Variants in SACS observed in about 807,000 individuals in gnomAD.
The protein encoded by SACS is sacsin molecular chaperone, also known as sacsin.
SACS carries 197 observed loss-of-function variants against 348.0 expected under a neutral mutation model. The observed-to-expected ratio is 0.57, with a 90% confidence interval of 0.50 to 0.64. The LOEUF is 0.64. Among genes scored for constraint, SACS ranks in the 30% least tolerant of loss-of-function variants. The pLI is 0.00. For synonymous variants in SACS, 1,985 were observed against 1,910.6 expected (o/e 1.04, Z -1.02); for missense variants, 4,999 against 5,360.8 (o/e 0.93, Z 2.11).
intron 2 of SACS, among the ~76,000 whole-genome samples, chr13:23,380,874 T>C (rs1421186304): frequency 6.6e-6 from 1 of 152,106 alleles, no homozygotes; most frequent in African/African-American, 2.4e-5. Flanking sequence ...AATAGGAGAG[T>C]GGCTTTCATC....
chr13:23,354,137 G>A (rs1870158743), intron 8 of SACS, among the ~76,000 whole-genome samples: 1 of 152,078 alleles, frequency 6.6e-6, no homozygotes, highest in African/African-American at 2.4e-5. Context: ...TTCCTGAAAT[G>A]TCAGTACACT....
chr13:23,399,019 C>CAAAAGAAAAAAA (rs1872833575), intron 2 of SACS, among the ~76,000 whole-genome samples: 1 of 67,140 alleles, frequency 1.5e-5, no homozygotes, highest in Non-Finnish European at 2.7e-5. Context: ...GACTCCATCT[C>CAAAAGAAAAAAA]AAAAAAAAAA....
chr13:23,354,260 T>G (rs1870167778), intron 8 of SACS, among the ~76,000 whole-genome samples: 1 of 152,226 alleles, frequency 6.6e-6, no homozygotes, highest in African/African-American at 2.4e-5. Flanking sequence ...ATAAACATTG[T>G]TTTCAGTGTT....
Position 23,337,413 on chromosome 13 carries a change from T to C in SACS, c.6463A>G (p.Lys2155Glu), listed in dbSNP as rs868559504. ...LIKLVQLGMA[K>E]DDILWDDMLE... ...ATATCATCCCATAAAATATCATCTTTTGCCATACCTAACTGAACTAGTTTA... is the reference window on the plus strand; with the variant it reads ...ATATCATCCCATAAAATATCATCTTCTGCCATACCTAACTGAACTAGTTTA... Residue 2155 changes from lysine (K) to glutamate (E), a missense_variant, in exon 10 of 10, where the codon AAA becomes GAA. Around this residue, in one of 6 missense-constraint regions of SACS, gnomAD observed 3,156 missense variants for 3,380.1 expected, o/e 0.93. Transcript: ENST00000382292. The C allele has an allele frequency of 6.2e-7, 1 of 1,612,850 alleles. No individual in the cohort carries two copies. The highest frequency in any genetic ancestry group is 1.3e-5 in the African/African-American group (1 of 74,830).
At chr13:23,377,795 G>A (rs941038022) in intron 2 of SACS, among the ~76,000 whole-genome samples, 1 of 152,186 alleles carries the variant, frequency 6.6e-6, no homozygotes, top group African/African-American at 2.4e-5. Flanking sequence ...TCCTGGCCTT[G>A]TCTCCTTCTG....
intron 1 of SACS, among the ~76,000 whole-genome samples, chr13:23,415,667 CTATT>C (rs1443460756): frequency 3.9e-5 from 6 of 152,138 alleles, no homozygotes; most frequent in African/African-American, 7.2e-5. Context: ...TGTGCACCAT[CTATT>C]TATTCTTTAC....
At chr13:23,421,163 T>C (rs1245999969) in intron 1 of SACS, among the ~76,000 whole-genome samples, 1 of 151,842 alleles carries the variant, frequency 6.6e-6, no homozygotes, top group Non-Finnish European at 1.5e-5. Flanking sequence ...GTACCTGATA[T>C]CCACCTGTGG....
chr13:23,427,074 C>T (rs1395425852), intron 1 of SACS: 2 of 152,176 alleles, frequency 1.3e-5, no homozygotes, highest in African/African-American at 4.8e-5. Flanking sequence ...CATAATCTCG[C>T]TGTGCCCAAC....
In SACS at chr13:23,336,493, G is replaced by T. The variant is rs1419545155; in HGVS notation, c.7383C>A (p.Leu2461=). The T allele has an allele frequency of 3.1e-6, 5 of 1,613,884 alleles. No homozygotes were observed. The highest frequency in any genetic ancestry group is 4.2e-6 in the Non-Finnish European group (5 of 1,179,936). The change falls in exon 10 of 10, where the codon CTC becomes CTA. Residue 2461 remains leucine (L), a synonymous_variant. Coordinates refer to ENST00000382292, the MANE Select transcript of SACS (RefSeq NM_014363.6). ...ILLPDTNLML[L]PAKSLCYNDC... The stretch of plus-strand genomic sequence containing the variant: ...CATTGTAGCATAACGATTTAGCAGG[G>T]AGAAGCATAAGATTAGTATCTGGCA...
At chr13:23,414,220 T>TG (rs1285285618) in intron 1 of SACS, among the ~76,000 whole-genome samples, 2 of 152,080 alleles carry the variant, frequency 1.3e-5, no homozygotes, top group African/African-American at 4.8e-5. Flanking sequence ...AGGAGAATGG[T>TG]GTGAACCCGG....
At chr13:23,375,566 C>T (rs938452204) in intron 2 of SACS, 524 of 1,034,780 alleles carry the variant, frequency 5.1e-4, no homozygotes, top group Admixed American at 3.3e-3. Context: ...ACTGCGCGCT[C>T]CCGGCCCACT....
chr13:23,366,350 C>T (rs1348836846), intron 5 of SACS, among the ~76,000 whole-genome samples: 1 of 152,190 alleles, frequency 6.6e-6, no homozygotes, highest in African/African-American at 2.4e-5. Flanking sequence ...TGGTACCCAC[C>T]AGCTGTTCCA....
intron 9 of SACS, among the ~76,000 whole-genome samples, chr13:23,350,418 C>A (rs1266250468): frequency 6.6e-6 from 1 of 152,036 alleles, no homozygotes; most frequent in East Asian, 1.9e-4. Flanking sequence ...ATAAAAGGGG[C>A]AGTAGAAGTA....
chr13:23,374,186 A>G (rs1871596876), intron 3 of SACS: 1 of 152,280 alleles, frequency 6.6e-6, no homozygotes, highest in South Asian at 2.1e-4. Flanking sequence ...GATCAGAAGG[A>G]CTGATGAATC....
intron 2 of SACS, among the ~76,000 whole-genome samples, chr13:23,380,285 G>A (rs1354650249): frequency 1.3e-5 from 2 of 152,190 alleles, no homozygotes; most frequent in East Asian, 1.9e-4. Context: ...CCTTGGTAGC[G>A]CCCTCTGAGC....
In SACS at chr13:23,341,346, C is replaced by G. The variant is rs1410252726; in HGVS notation, c.2530G>C (p.Val844Leu). ...AQLPEFLADI[V>L]QKLGGFVLKK... ...AGGACAAACCCTCCAAGTTTTTGTA[C>G]AATGTCTGCTAAAAATTCTGGAAGC... is the stretch of plus-strand genomic sequence containing the variant. The change falls in exon 10 of 10, where the codon GTA becomes CTA. Residue 844 changes from valine to leucine, a missense_variant. Val to Leu is a conservative substitution (Grantham distance 32, BLOSUM62 1). Coordinates refer to ENST00000382292, the MANE Select transcript of SACS (RefSeq NM_014363.6). The G allele has an allele frequency of 1.2e-6, 2 of 1,605,166 alleles. No homozygotes were observed. The highest frequency in any genetic ancestry group is 1.7e-6 in the Non-Finnish European group (2 of 1,175,350).
In SACS at chr13:23,340,747, T is replaced by C. The variant is rs148878361; in HGVS notation, c.3129A>G (p.Ser1043=). 5.0e-3 allele frequency: 7,966 copies of C among 1,604,468 alleles called. 28 individuals carry two copies. Among genetic ancestry groups the C allele is most frequent in the Non-Finnish European group, 6.2e-3 (7,299 of 1,176,220 alleles). ...CACCAGCTGATACCATCTGTTCCTGTGATATCTGGATGAATTTTAATGGTG... is the reference window on the plus strand; with the variant it reads ...CACCAGCTGATACCATCTGTTCCTGCGATATCTGGATGAATTTTAATGGTG... ...WLTPLKFIQI[S]QEQMVSAGEL... Residue 1043 remains serine (S), a synonymous_variant, in exon 10 of 10, where the codon TCA becomes TCG. Transcript: ENST00000382292.
intron 2 of SACS, among the ~76,000 whole-genome samples, chr13:23,389,728 T>C (rs1430611866): frequency 6.6e-6 from 1 of 152,260 alleles, no homozygotes; most frequent in Non-Finnish European, 1.5e-5. Context: ...TCTATGCAGA[T>C]AAAAGAACAA....
Position 23,335,951 on chromosome 13 carries a change from T to C in SACS, c.7925A>G (p.Asn2642Ser), listed in dbSNP as rs768564881. ...ITDCPSFISGNDILCIFDPHA... is the reference protein window; with the variant it reads ...ITDCPSFISGSDILCIFDPHA... ...AGGATCAAAAATACACAGGATGTCATTGCCAGAAATAAAAGATGGGCAGTC... is the reference window on the plus strand; with the variant it reads ...AGGATCAAAAATACACAGGATGTCACTGCCAGAAATAAAAGATGGGCAGTC... The change falls in exon 10 of 10, where the codon AAT (asparagine) becomes AGT (serine). Residue 2642 changes from asparagine (N) to serine (S), a missense_variant. By Grantham distance (46) the Asn-to-Ser change is conservative (BLOSUM62 1). Coordinates refer to ENST00000382292, the MANE Select transcript of SACS (RefSeq NM_014363.6). The surrounding 1 kb of genome is among the most constrained non-coding windows in gnomAD (Gnocchi z 4.7). 1.9e-5 allele frequency: 31 copies of C among 1,612,482 alleles called. No homozygotes were observed. Among genetic ancestry groups the C allele is most frequent in the Admixed American group, 6.7e-5 (4 of 59,948 alleles).
Sources: gnomAD v4.1 joint callset for allele counts (sites outside exome capture counted in the v4.1 genomes callset) on GRCh38, gnomAD v4.1.1 for gene constraint, gnomAD v4.1.1 regional missense constraint, Gnocchi (gnomAD v3.1) non-coding constraint, MANE v1.5 for transcripts, NCBI Gene and HGNC (gene_info 2026-07-23, HGNC 2026-07-21) for gene names.